IL34: variants seen among roughly 807,000 people sequenced by gnomAD.
IL34 encodes interleukin 34.
A neutral mutation model predicts 25.3 loss-of-function variants in IL34; 17 were observed. The observed-to-expected ratio is 0.67, with a 90% CI of 0.46 to 1.01. The LOEUF is 1.01. Among genes scored for constraint, IL34 ranks in the 50% least tolerant of loss-of-function variants. IL34 has a pLI of 0.00. For synonymous variants in IL34, 174 were observed against 140.9 expected, an observed-to-expected ratio of 1.23 and a Z score of -1.66; for missense variants, 368 against 312.9, an observed-to-expected ratio of 1.18 and a Z score of -1.33.
chr16:70,590,950 T>G (rs1449160931), intron 1 of IL34, among the ~76,000 whole-genome samples: 5 of 152,210 alleles, frequency 3.3e-5, no homozygotes, highest in Non-Finnish European at 7.4e-5. Flanking sequence ...CCCCTCCCTC[T>G]GGCTGCCTTC....
intron 1 of IL34, among the ~76,000 whole-genome samples, chr16:70,629,631 A>G (rs1405831591): frequency 6.6e-6 from 1 of 152,092 alleles, no homozygotes. Flanking sequence ...TTGTTTGGGG[A>G]GTAATGACAA....
At chr16:70,588,701 A>G (rs2050720419) in intron 1 of IL34, among the ~76,000 whole-genome samples, 1 of 152,238 alleles carries the variant, frequency 6.6e-6, no homozygotes, top group African/African-American at 2.4e-5. Context: ...GTAAATATAC[A>G]CAATGTGGTA....
intron 1 of IL34, among the ~76,000 whole-genome samples, chr16:70,650,594 T>C (rs2052054700): frequency 6.6e-6 from 1 of 152,224 alleles, no homozygotes; most frequent in African/African-American, 2.4e-5. Context: ...ACAGAGGTAC[T>C]GATTTTTTTA....
chr16:70,623,682 A>T (rs1434496733), intron 1 of IL34, among the ~76,000 whole-genome samples: 3 of 151,830 alleles, frequency 2.0e-5, no homozygotes, highest in Admixed American at 6.6e-5. Context: ...GAGGCTTTGG[A>T]TTGGGAAGAA....
intron 1 of IL34, among the ~76,000 whole-genome samples, chr16:70,641,147 G>A (rs1227162312): frequency 6.6e-6 from 1 of 152,040 alleles, no homozygotes; most frequent in Non-Finnish European, 1.5e-5. Flanking sequence ...GGTGGTGCAC[G>A]CCTGTAATCA....
At chr16:70,638,517 C>A (rs906612961) in intron 1 of IL34, among the ~76,000 whole-genome samples, 1 of 152,018 alleles carries the variant, frequency 6.6e-6, no homozygotes, top group Admixed American at 6.6e-5. Flanking sequence ...GCCTTCTGAC[C>A]CCCCCACTCT....
At chr16:70,644,803 GAAT>G (rs2051871922), upstream of IL34, among the ~76,000 whole-genome samples, 1 of 144,692 alleles carries the variant, frequency 6.9e-6, no homozygotes, top group African/African-American at 2.6e-5. Flanking sequence ...GAGGGAGGAG[GAAT>G]GAAAAGGAGG....
chr16:70,628,063 T>C (rs1389185757), intron 1 of IL34, among the ~76,000 whole-genome samples: 2 of 152,244 alleles, frequency 1.3e-5, no homozygotes, highest in Non-Finnish European at 2.9e-5. Context: ...TCCAGAAATG[T>C]CTGAGAATTC....
At position 70,658,930 on chromosome 16, in the gene IL34, G is replaced by T. The variant is rs188270112; in HGVS notation, c.403-688G>T. Among the ~76,000 whole-genome samples the T allele has an allele frequency of 5.9e-5, 9 of 152,238 alleles. No individual in the cohort carries two copies. The East Asian group carries it at 1.7e-3, about 29-fold the overall frequency. ...CTGCAAAGAACCTATTTCCAAATAG[G>T]GTCACATTCACGGGTACCAAGGGGT... On this transcript the variant is annotated intron_variant, in intron 4 of 5. Transcript: ENST00000288098.
intron 1 of IL34, among the ~76,000 whole-genome samples, chr16:70,591,857 C>T (rs536056731): frequency 4.6e-5 from 7 of 152,352 alleles, no homozygotes; most frequent in East Asian, 3.9e-4. Flanking sequence ...CCCTGAGGCT[C>T]GGTGCTGGGG....
chr16:70,615,103 T>A (rs1339588199), intron 1 of IL34, among the ~76,000 whole-genome samples: 5 of 152,234 alleles, frequency 3.3e-5, no homozygotes, highest in African/African-American at 1.2e-4. Flanking sequence ...GCTCCCCTGT[T>A]ACCCCCCAAA....
At chr16:70,624,886 A>C (rs935671963) in intron 1 of IL34, among the ~76,000 whole-genome samples, 3 of 151,862 alleles carry the variant, frequency 2.0e-5, no homozygotes, top group Non-Finnish European at 4.4e-5. Context: ...AGACTCAGTG[A>C]CGCTTGGGGT....
At chr16:70,583,808 C>T (rs959537016) in intron 1 of IL34, among the ~76,000 whole-genome samples, 2 of 151,988 alleles carry the variant, frequency 1.3e-5, no homozygotes, top group African/African-American at 4.8e-5. Context: ...TGCGCCACCA[C>T]GCCTGGCTAA....
At chr16:70,595,920 A>G (rs925982590) in intron 1 of IL34, among the ~76,000 whole-genome samples, 1 of 151,780 alleles carries the variant, frequency 6.6e-6, no homozygotes, top group Non-Finnish European at 1.5e-5. Flanking sequence ...CTGAGACAGG[A>G]GAATTGCTGG....
Position 70,646,605 on chromosome 16 carries a change from C to T in IL34, c.-343C>T. On this transcript the variant is annotated 5_prime_UTR_variant, in exon 1 of 6. Transcript: ENST00000288098. The stretch of plus-strand genomic sequence containing the variant: ...AGAAATCAGAGAAAGCGTCACCCAG[C>T]CCCAGATTCCGAGGGGCCTGCCAGG... 2 of 347,644 alleles carry T rather than the reference C, an allele frequency of 5.8e-6. No individual in the cohort carries two copies. Among genetic ancestry groups the T allele is most frequent in the Non-Finnish European group, 5.2e-6 (1 of 193,796 alleles). The allele number at this position is 347,644 out of a possible 1,614,324, so 21.5% of individuals were successfully genotyped here. A position where few individuals can be genotyped will look rare whatever the true frequency, so the allele number is the denominator to read the frequency against.
intron 1 of IL34, among the ~76,000 whole-genome samples, chr16:70,608,194 T>C (rs2051039902): frequency 6.6e-6 from 1 of 150,494 alleles, no homozygotes; most frequent in Non-Finnish European, 1.5e-5. Context: ...AGTGGTGTGC[T>C]CTCGGCTCAC....
chr16:70,609,715 T>C (rs1351587056), intron 1 of IL34, among the ~76,000 whole-genome samples: 2 of 152,132 alleles, frequency 1.3e-5, no homozygotes, highest in Non-Finnish European at 2.9e-5. Flanking sequence ...TTATCCTGCC[T>C]TGGTTTCAAT....
chr16:70,634,965 C>G (rs35290416), intron 1 of IL34, among the ~76,000 whole-genome samples: 36 of 151,994 alleles, frequency 2.4e-4, no homozygotes, highest in Admixed American at 3.9e-4. Flanking sequence ...TGGCACAGTT[C>G]ATACGTCCAG....
intron 1 of IL34, among the ~76,000 whole-genome samples, chr16:70,595,774 G>C (rs376523930): frequency 1.1e-4 from 17 of 152,250 alleles, no homozygotes; most frequent in African/African-American, 3.4e-4. Flanking sequence ...CACTTTGGGA[G>C]GCCGAGACAG....
Sources: allele counts gnomAD v4.1 joint callset (sites outside exome capture counted in the v4.1 genomes callset), GRCh38; gene constraint gnomAD v4.1.1; transcripts MANE v1.5; gene names NCBI Gene and HGNC (gene_info 2026-07-23, HGNC 2026-07-21).